ADCY5: variants seen among roughly 807,000 people sequenced by gnomAD.
ADCY5 encodes adenylate cyclase 5, also known as adenylate cyclase type 5.
A neutral mutation model predicts 119.7 loss-of-function variants in ADCY5; 30 were observed. That is an observed-to-expected ratio of 0.25 (90% CI 0.19 to 0.34). The LOEUF (loss-of-function observed/expected upper bound fraction) is 0.34. Among genes scored for constraint, ADCY5 ranks in the 10% least tolerant of loss-of-function variants. The probability of loss-of-function intolerance (pLI) is 1.00; values close to 1 mark genes in which losing one functional copy is unlikely to be tolerated. For synonymous variants in ADCY5, 753 were observed against 762.2 expected (o/e 0.99, Z 0.20); for missense variants, 1,324 against 1,775.2 (o/e 0.75, Z 4.57).
intron 1 of ADCY5, among the ~76,000 whole-genome samples, chr3:123,396,636 G>A (rs1298457314): frequency 3.0e-5 from 4 of 134,756 alleles, no homozygotes; most frequent in Non-Finnish European, 6.4e-5. Flanking sequence ...GGGAGGGAGG[G>A]AAGGAGACAG....
At position 123,328,631 on chromosome 3, in the gene ADCY5, A is replaced by G. The variant is rs9855635; in HGVS notation, c.1805+13T>C. 0.34 allele frequency: 546,882 copies of G among 1,612,816 alleles called. 97,133 individuals carry two copies. The highest frequency in any genetic ancestry group is 0.37 in the Non-Finnish European group (436,859 of 1,179,638). On this transcript the variant is annotated intron_variant, in intron 6 of 20. Coordinates refer to ENST00000462833, the MANE Select transcript of ADCY5 (RefSeq NM_183357.3). ...CAGGTCGGGGCCCCAAGCCACCCAC[A>G]GCTGTCACTCACCCTGCCTTGCCGC...
At chr3:123,429,500 C>T (rs1363826510) in intron 1 of ADCY5, among the ~76,000 whole-genome samples, 2 of 152,166 alleles carry the variant, frequency 1.3e-5, no homozygotes, top group East Asian at 3.9e-4. Context: ...TAAGCTCCCT[C>T]ATCTCAGGAG....
intron 1 of ADCY5, among the ~76,000 whole-genome samples, chr3:123,407,270 A>G (rs1418310986): frequency 6.6e-6 from 1 of 152,088 alleles, no homozygotes; most frequent in African/African-American, 2.4e-5. Flanking sequence ...CCCTCTCCTG[A>G]GATGCCCTCT....
At chr3:123,294,360 ACT>A (rs1476911291) in intron 17 of ADCY5, among the ~76,000 whole-genome samples, 1 of 152,114 alleles carries the variant, frequency 6.6e-6, no homozygotes, top group Non-Finnish European at 1.5e-5. Flanking sequence ...GGAATATCAG[ACT>A]CTCTTTCCAT....
chr3:123,300,116 A>G lies in ADCY5; in HGVS notation c.2900+4T>C, dbSNP rs4482616. 1,301,433 of 1,613,414 alleles carry G rather than the reference A, an allele frequency of 0.81. 525,509 individuals are homozygous for G. Among genetic ancestry groups the G allele is most frequent in the East Asian group, 0.89 (40,134 of 44,866 alleles). ...GTGGGGAGCGTGAGGGAGGTGCCCC[A>G]TACATGGCGTTGGCGGTGACCAGCA... is the stretch of plus-strand genomic sequence containing the variant. On this transcript the variant is annotated splice_donor_region_variant and intron_variant, in intron 15 of 20. Transcript: ENST00000462833.
intron 6 of ADCY5, 95 bp from the exon 7 acceptor site, chr3:123,327,854 C>T: frequency 7.0e-7 from 1 of 1,431,546 alleles, no homozygotes; most frequent in Non-Finnish European, 9.6e-7. Context: ...AGTGGGTTCA[C>T]CACAATTCAA....
At position 123,326,450 on chromosome 3, in the gene ADCY5, TTC is replaced by T. The variant is rs773202870; in HGVS notation, c.1948-990_1948-989del. On this transcript the variant is annotated intron_variant, in intron 7 of 20. Coordinates refer to ENST00000462833, the MANE Select transcript of ADCY5 (RefSeq NM_183357.3). The stretch of plus-strand genomic sequence containing the variant: ...TGCTGGTGGGGGTGCCTGTTACTCT[TTC>T]TGTCTCCATTTCATCCTTTTTGGAC... Among the ~76,000 whole-genome samples the T allele has an allele frequency of 8.5e-5, 13 of 152,146 alleles. No individual in the cohort carries two copies. The South Asian group carries it at 2.7e-3, about 32-fold the overall frequency.
At chr3:123,323,408 T>C (rs1312866217) in intron 8 of ADCY5, among the ~76,000 whole-genome samples, 1 of 152,180 alleles carries the variant, frequency 6.6e-6, no homozygotes, top group Non-Finnish European at 1.5e-5. Context: ...ATATAGCTTA[T>C]ATCAAATATC....
chr3:123,320,857 C>A, intron 8 of ADCY5, 86 bp from the exon 9 acceptor site: 1 of 968,902 alleles, frequency 1.0e-6, no homozygotes, highest in South Asian at 1.4e-5. Flanking sequence ...GGCTGCAGCT[C>A]ATCTCTACAG....
At position 123,448,312 on chromosome 3, in the gene ADCY5, G is replaced by A; in HGVS notation, c.234C>T (p.Asp78=). Residue 78 remains aspartate, a synonymous_variant, in exon 1 of 21, where the codon GAC becomes GAT. Coordinates refer to ENST00000462833, the MANE Select transcript of ADCY5 (RefSeq NM_183357.3). ...CGTCACCGCTCAGCGGAGGATCGTC[G>A]TCGTCGTCGCTGCGCCAGCGGCTGG... ...RLASRWRSDD[D]DDPPLSGDDP... 6.5e-7 allele frequency: 1 copy of A among 1,539,100 alleles called. No individual in the cohort carries two copies. The highest frequency in any genetic ancestry group is 8.7e-7 in the Non-Finnish European group (1 of 1,153,410).
rs1945869481 is a variant in ADCY5, at chr3:123,448,389, A to G, written c.157T>C (p.Ser53Pro). 6.9e-7 allele frequency: 1 copy of G among 1,454,564 alleles called. No individual in the cohort carries two copies. Among genetic ancestry groups the G allele is most frequent in the Non-Finnish European group, 9.0e-7 (1 of 1,111,514 alleles). 90.1% of individuals were successfully genotyped at this position (1,454,564 alleles called of 1,614,324 possible). A position where few individuals can be genotyped will look rare whatever the true frequency, so the allele number is the denominator to read the frequency against. ...PHAPGGSARGSTKKPGGAVTP... is the reference protein window; with the variant it reads ...PHAPGGSARGPTKKPGGAVTP... The stretch of plus-strand genomic sequence containing the variant: ...ACCGCCCCCCCGGGTTTCTTGGTGG[A>G]GCCGCGGGCAGAGCCCCCGGGGGCA... Residue 53 changes from serine to proline, a missense_variant, in exon 1 of 21, where the codon TCC becomes CCC. Physicochemically the swap from Ser to Pro is moderately conservative, Grantham distance 74. Around this residue, in one of 6 missense-constraint regions of ADCY5, gnomAD observed 585 missense variants for 569.9 expected, o/e 1.03. Transcript: ENST00000462833.
At position 123,447,883 on chromosome 3, in the gene ADCY5, G is replaced by C; in HGVS notation, c.663C>G (p.Phe221Leu). The change falls in exon 1 of 21, where the codon TTC (phenylalanine) becomes TTG (leucine). Residue 221 changes from phenylalanine (F) to leucine (L), a missense_variant. Coordinates refer to ENST00000462833, the MANE Select transcript of ADCY5 (RefSeq NM_183357.3). ...ACAGCCGCTCCAGTTTGTCCGACGG[G>C]AACTTCTTGGAGCGGAATATCTGCA... Reference protein sequence around the residue: ...ALLQIFRSKKFPSDKLERLYQ... With the variant: ...ALLQIFRSKKLPSDKLERLYQ... 1 of 1,612,360 alleles carries C rather than the reference G, an allele frequency of 6.2e-7. No homozygotes were observed. The highest frequency in any genetic ancestry group is 1.1e-5 in the South Asian group (1 of 91,062).
chr3:123,384,423 C>T (rs879631878), intron 1 of ADCY5, among the ~76,000 whole-genome samples: 3 of 152,170 alleles, frequency 2.0e-5, no homozygotes, highest in Non-Finnish European at 2.9e-5. Flanking sequence ...TGCAGCCACC[C>T]GCAGACAGCA....
At chr3:123,370,628 C>T (rs1329143314) in intron 1 of ADCY5, among the ~76,000 whole-genome samples, 1 of 152,246 alleles carries the variant, frequency 6.6e-6, no homozygotes, top group East Asian at 1.9e-4. Context: ...TCCTACCAAC[C>T]TGGACCCCAT....
In ADCY5 at chr3:123,286,933, C is replaced by T; in HGVS notation, c.3533-124G>A. On this transcript the variant is annotated intron_variant, in intron 19 of 20. Coordinates refer to ENST00000462833, the MANE Select transcript of ADCY5 (RefSeq NM_183357.3). This position sits in a 1 kb window ranked among gnomAD's most constrained non-coding sequence, Gnocchi z 4.2. ...TGAGACACCCGTGGGCTTCCAGGCC[C>T]AAGGCTGTGCTAAACCCTGCAGCCT... is the stretch of plus-strand genomic sequence containing the variant. 7.4e-7 allele frequency: 1 copy of T among 1,357,046 alleles called. No homozygotes were observed. The allele number at this position is 1,357,046 out of a possible 1,614,324, so 84.1% of individuals were successfully genotyped here.
At chr3:123,302,979 C>T in intron 14 of ADCY5, 76 bp downstream of exon 14, 1 of 1,543,042 alleles carries the variant, frequency 6.5e-7, no homozygotes, top group Non-Finnish European at 8.8e-7. Flanking sequence ...TCAGACTGTC[C>T]TGAGCAGCTG....
chr3:123,427,547 A>C (rs549388998), intron 1 of ADCY5, among the ~76,000 whole-genome samples: 1 of 152,196 alleles, frequency 6.6e-6, no homozygotes, highest in African/African-American at 2.4e-5. Flanking sequence ...TCATCCTCTA[A>C]GCTGGCTCAG....
intron 3 of ADCY5, among the ~76,000 whole-genome samples, chr3:123,344,928 T>A (rs1206394891): frequency 2.0e-5 from 3 of 152,192 alleles, no homozygotes; most frequent in Admixed American, 6.5e-5. Context: ...TCTGTCCCCA[T>A]GAAAATTATA....
At chr3:123,368,194 G>A (rs1943517017) in intron 1 of ADCY5, 1 of 594,960 alleles carries the variant, frequency 1.7e-6, no homozygotes, top group Non-Finnish European at 2.7e-6. Context: ...AATGACGCCT[G>A]CGAATAAGAC....
Sources: gnomAD v4.1 joint callset for allele counts (sites outside exome capture counted in the v4.1 genomes callset) on GRCh38, gnomAD v4.1.1 for gene constraint, gnomAD v4.1.1 regional missense constraint, Gnocchi (gnomAD v3.1) non-coding constraint, MANE v1.5 for transcripts, NCBI Gene and HGNC (gene_info 2026-07-23, HGNC 2026-07-21) for gene names.